The following THADA variants were observed in gnomAD, a reference collection of about 807,000 sequenced individuals.
THADA encodes the protein THADA armadillo repeat containing.
Under a neutral mutation model 219.8 loss-of-function variants are expected in THADA, and 213 were observed. The ratio of observed to expected loss-of-function variants is 0.97; its 90% confidence interval spans 0.87 to 1.09. The LOEUF (loss-of-function observed/expected upper bound fraction) is 1.09, where lower values mean the gene tolerates loss of function less well. THADA is among the 50% of genes least tolerant of loss of function. THADA has a pLI of 0.00. For missense variants in THADA, 2,956 were observed against 2,311.3 expected (o/e 1.28, Z -5.72); for synonymous variants, 1,018 against 828.9 (o/e 1.23, Z -3.92).
chr2:43,450,595 A>G (rs555179864), intron 26 of THADA, among the ~76,000 whole-genome samples: 1 of 152,330 alleles, frequency 6.6e-6, no homozygotes, highest in African/African-American at 2.4e-5. Flanking sequence ...CATATAGAAA[A>G]CAAATAGCCA....
chr2:43,509,096 T>TA (rs2105097951), intron 22 of THADA, among the ~76,000 whole-genome samples: 1 of 152,342 alleles, frequency 6.6e-6, no homozygotes, highest in Non-Finnish European at 1.5e-5. Context: ...TTTCATACTA[T>TA]ACAACTCAAG....
chr2:43,530,865 C>T (rs1156265033), intron 21 of THADA, among the ~76,000 whole-genome samples: 1 of 150,016 alleles, frequency 6.7e-6, no homozygotes, highest in African/African-American at 2.5e-5. Context: ...CTAGGTATTC[C>T]TGGGCACAGA....
intron 26 of THADA, among the ~76,000 whole-genome samples, chr2:43,471,829 G>A (rs563472739): frequency 6.6e-6 from 1 of 152,172 alleles, no homozygotes; most frequent in South Asian, 2.1e-4. Flanking sequence ...GTGCCTGTTG[G>A]TTTTTGTTTT....
At chr2:43,420,831 T>C (rs942201037) in intron 28 of THADA, among the ~76,000 whole-genome samples, 2 of 152,186 alleles carry the variant, frequency 1.3e-5, no homozygotes, top group Non-Finnish European at 2.9e-5. Flanking sequence ...ATGCAAAACA[T>C]AATTTCATAC....
chr2:43,578,199 C>G lies in THADA; in HGVS notation c.816+314G>C, dbSNP rs933193918. On this transcript the variant is annotated intron_variant, in intron 9 of 37. Transcript: ENST00000405975. Reference sequence around the variant, plus strand: ...ACAAGGTCTCACTCTGTTGCCCAGACTGGTGCAATCTTATCTCACTGCAGC... The same window carrying G: ...ACAAGGTCTCACTCTGTTGCCCAGAGTGGTGCAATCTTATCTCACTGCAGC... Among the ~76,000 whole-genome samples, 7 of 151,268 alleles carry G rather than the reference C, an allele frequency of 4.6e-5. No homozygotes were observed. The South Asian group carries it at 6.3e-4, about 14-fold the overall frequency.
chr2:43,317,350 A>G (rs1282509814), intron 31 of THADA, among the ~76,000 whole-genome samples: 1 of 152,236 alleles, frequency 6.6e-6, no homozygotes, highest in Non-Finnish European at 1.5e-5. Flanking sequence ...GGAGAACTGC[A>G]TTTCATCAAA....
chr2:43,514,188 G>A (rs913764848), intron 22 of THADA, among the ~76,000 whole-genome samples: 8 of 151,888 alleles, frequency 5.3e-5, no homozygotes, highest in South Asian at 4.2e-4. Context: ...GGTGGCTCAC[G>A]CCTGTAATCC....
intron 22 of THADA, among the ~76,000 whole-genome samples, chr2:43,511,063 G>A (rs760914895): frequency 2.6e-5 from 4 of 151,938 alleles, no homozygotes; most frequent in Non-Finnish European, 4.4e-5. Context: ...AATTATAGAG[G>A]TGAATAAGGT....
chr2:43,371,456 A>C (rs552068706), intron 29 of THADA, among the ~76,000 whole-genome samples: 22 of 152,330 alleles, frequency 1.4e-4, no homozygotes, highest in South Asian at 6.2e-4. Flanking sequence ...GATTTTTCAT[A>C]ATATAAGAAA....
chr2:43,447,696 G>C (rs1178090012), intron 26 of THADA, among the ~76,000 whole-genome samples: 1 of 152,176 alleles, frequency 6.6e-6, no homozygotes, highest in Non-Finnish European at 1.5e-5. Context: ...TCCAGGAACT[G>C]TCTCACAAGC....
intron 10 of THADA, among the ~76,000 whole-genome samples, chr2:43,576,348 A>G (rs1317553168): frequency 1.3e-5 from 2 of 152,204 alleles, no homozygotes; most frequent in South Asian, 2.1e-4. Context: ...CACCACAAAA[A>G]TACAAAATAC....
chr2:43,534,889 T>C (rs1339006301), intron 21 of THADA, among the ~76,000 whole-genome samples: 2 of 152,140 alleles, frequency 1.3e-5, no homozygotes, highest in Non-Finnish European at 2.9e-5. Context: ...TCATACGGTA[T>C]TTCTATGTGT....
At chr2:43,364,925 G>A (rs1669953202) in intron 29 of THADA, among the ~76,000 whole-genome samples, 1 of 151,996 alleles carries the variant, frequency 6.6e-6, no homozygotes, top group East Asian at 1.9e-4. Context: ...ACTGACTAAT[G>A]GGTTTTAAGT....
intron 28 of THADA, among the ~76,000 whole-genome samples, chr2:43,409,599 T>C (rs1396842958): frequency 6.6e-6 from 1 of 152,162 alleles, no homozygotes; most frequent in Non-Finnish European, 1.5e-5. Context: ...TCAAAAAAAA[T>C]ACTTCCTTAT....
intron 26 of THADA, among the ~76,000 whole-genome samples, chr2:43,472,175 T>G (rs780353230): frequency 6.6e-6 from 1 of 152,220 alleles, no homozygotes; most frequent in Admixed American, 6.5e-5. Flanking sequence ...GCCAACCAGT[T>G]TGGCAGTGCA....
At chr2:43,566,973 T>C (rs931601444) in intron 14 of THADA, among the ~76,000 whole-genome samples, 152 bp from the exon 15 acceptor site, 6 of 152,178 alleles carry the variant, frequency 3.9e-5, no homozygotes, top group African/African-American at 1.4e-4. Context: ...CTTTGCTTAA[T>C]AATTCAGGTT....
intron 29 of THADA, among the ~76,000 whole-genome samples, chr2:43,397,072 AC>A (rs1292641612): frequency 6.6e-6 from 1 of 152,176 alleles, no homozygotes; most frequent in Non-Finnish European, 1.5e-5. Flanking sequence ...AAAAATGAAG[AC>A]ATGGATGTAT....
chr2:43,527,306 G>A (rs1356717118), intron 22 of THADA, among the ~76,000 whole-genome samples: 1 of 152,124 alleles, frequency 6.6e-6, no homozygotes, highest in South Asian at 2.1e-4. Context: ...AAGCTCTTTG[G>A]AGGAAATCTA....
chr2:43,296,310 C>T (rs1030645788), intron 31 of THADA, among the ~76,000 whole-genome samples: 4 of 151,492 alleles, frequency 2.6e-5, no homozygotes, highest in Non-Finnish European at 4.4e-5. Context: ...GAATCTCCCT[C>T]GGTCACCCAG....
Sources: allele counts gnomAD v4.1 joint callset (sites outside exome capture counted in the v4.1 genomes callset), GRCh38; gene constraint gnomAD v4.1.1; transcripts MANE v1.5; gene names NCBI Gene and HGNC (gene_info 2026-07-23, HGNC 2026-07-21).